Variants in RIT2 observed in about 807,000 individuals in gnomAD.
RIT2 encodes GTP-binding protein Rit2.
In RIT2, 24 loss-of-function variants were observed where a neutral mutation model predicts 23.7. The observed-to-expected ratio is 1.01, with a 90% CI of 0.73 to 1.43. RIT2 has a LOEUF of 1.43. RIT2 is among the 40% of genes most tolerant of loss of function. The pLI is 0.00. For synonymous variants in RIT2, 107 were observed against 91.1 expected (o/e 1.17, Z -0.99); for missense variants, 236 against 266.9 (o/e 0.88, Z 0.81).
intron 4 of RIT2, among the ~76,000 whole-genome samples, chr18:42,916,732 TAAC>T (rs1568029561): frequency 6.6e-6 from 1 of 151,992 alleles, no homozygotes; most frequent in Non-Finnish European, 1.5e-5. Flanking sequence ...CTGTGCTAGA[TAAC>T]CTACTGACAT....
chr18:42,775,915 A>G (rs1203059766), intron 4 of RIT2, among the ~76,000 whole-genome samples: 1 of 151,898 alleles, frequency 6.6e-6, no homozygotes, highest in Non-Finnish European at 1.5e-5. Flanking sequence ...ACACTTTCAT[A>G]CTTTCTTTTC....
chr18:42,905,496 G>A (rs1908587541), intron 4 of RIT2, among the ~76,000 whole-genome samples: 3 of 152,076 alleles, frequency 2.0e-5, no homozygotes, highest in South Asian at 4.2e-4. Flanking sequence ...TTTTTGAGAC[G>A]GAGTCTCACT....
intron 4 of RIT2, among the ~76,000 whole-genome samples, chr18:42,905,891 G>A (rs2144112465): frequency 6.7e-6 from 1 of 148,980 alleles, no homozygotes; most frequent in East Asian, 1.9e-4. Context: ...AGCAGAACTA[G>A]GGATAAAGGC....
At chr18:42,915,853 A>G (rs750640344) in intron 4 of RIT2, among the ~76,000 whole-genome samples, 3 of 151,506 alleles carry the variant, frequency 2.0e-5, no homozygotes, top group East Asian at 3.9e-4. Context: ...ATATGCGTGT[A>G]TATATATATA....
intron 4 of RIT2, among the ~76,000 whole-genome samples, chr18:42,748,438 A>G (rs1488342706): frequency 6.6e-6 from 1 of 151,898 alleles, no homozygotes; most frequent in Non-Finnish European, 1.5e-5. Flanking sequence ...AACAAACAAT[A>G]ATAGATGTTA....
chr18:42,852,651 C>G (rs899008745), intron 4 of RIT2, among the ~76,000 whole-genome samples: 1 of 152,086 alleles, frequency 6.6e-6, no homozygotes, highest in African/African-American at 2.4e-5. Flanking sequence ...TGATCACATG[C>G]CCTTTATAAC....
At chr18:43,084,957 C>T (rs928808660) in intron 1 of RIT2, among the ~76,000 whole-genome samples, 1 of 151,940 alleles carries the variant, frequency 6.6e-6, no homozygotes, top group Non-Finnish European at 1.5e-5. Flanking sequence ...CTGTAGCCTG[C>T]ACCATGGCCA....
chr18:42,991,166 T>C (rs551952097), intron 2 of RIT2, among the ~76,000 whole-genome samples: 42 of 152,298 alleles, frequency 2.8e-4, no homozygotes, highest in South Asian at 8.3e-4. Flanking sequence ...CTACCTTCCA[T>C]GATTGAGACA....
Position 43,018,786 on chromosome 18 carries a change from C to A in RIT2, c.160+15025G>T, listed in dbSNP as rs771052129. 7.2e-5 allele frequency among the ~76,000 whole-genome samples: 11 copies of A among 151,956 alleles called. No homozygotes were observed. The East Asian group carries it at 2.1e-3, about 29-fold the overall frequency. On this transcript the variant is annotated intron_variant, in intron 2 of 4. Transcript: ENST00000326695. ...AAGAAATTTGTCACCACTAGACTAGCCCCGCAAGAAATGCTAAGGGAGTTT... is the reference window on the plus strand; with the variant it reads ...AAGAAATTTGTCACCACTAGACTAGACCCGCAAGAAATGCTAAGGGAGTTT...
intron 3 of RIT2, among the ~76,000 whole-genome samples, chr18:42,970,766 G>A (rs1910343601): frequency 6.6e-6 from 1 of 151,884 alleles, no homozygotes; most frequent in South Asian, 2.1e-4. Context: ...TCGCACTATT[G>A]TTCATTCTTA....
At chr18:42,867,340 A>C (rs1015398014) in intron 4 of RIT2, among the ~76,000 whole-genome samples, 5 of 152,124 alleles carry the variant, frequency 3.3e-5, no homozygotes, top group Non-Finnish European at 7.4e-5. Context: ...GATTTGCTCT[A>C]AAAAGCTATG....
At chr18:42,784,162 C>T (rs1913873590) in intron 4 of RIT2, among the ~76,000 whole-genome samples, 1 of 151,840 alleles carries the variant, frequency 6.6e-6, no homozygotes, top group Non-Finnish European at 1.5e-5. Context: ...GCCCATCTCC[C>T]TTTTGCATAT....
chr18:42,830,658 A>G (rs1451699291), intron 4 of RIT2, among the ~76,000 whole-genome samples: 2 of 152,232 alleles, frequency 1.3e-5, no homozygotes, highest in Non-Finnish European at 2.9e-5. Flanking sequence ...CAGGGCTGCC[A>G]AATGAGACTA....
At chr18:42,775,415 G>T (rs547113995) in intron 4 of RIT2, among the ~76,000 whole-genome samples, 2 of 152,104 alleles carry the variant, frequency 1.3e-5, no homozygotes, top group South Asian at 2.1e-4. Flanking sequence ...TGCCATACCC[G>T]GCAGGGCATG....
intron 2 of RIT2, among the ~76,000 whole-genome samples, chr18:42,990,058 G>A (rs967815268): frequency 1.3e-5 from 2 of 150,754 alleles, no homozygotes; most frequent in Non-Finnish European, 2.9e-5. Context: ...TTTATTGTAA[G>A]GAATACAATA....
rs77103972 is a variant in RIT2, at chr18:42,909,992, G to A, written c.426+13580C>T. 5.8e-3 allele frequency among the ~76,000 whole-genome samples: 887 copies of A among 152,176 alleles called. 8 individuals carry two copies. Among genetic ancestry groups the A allele is most frequent in the African/African-American group, 0.02 (847 of 41,532 alleles). On this transcript the variant is annotated intron_variant, in intron 4 of 4. Coordinates refer to ENST00000326695, the MANE Select transcript of RIT2 (RefSeq NM_002930.4). ...GATTGAGACAATTATACCTGAAAGCGGTTAAGGGGATCTAAATTGAAGTAA... is the reference window on the plus strand; with the variant it reads ...GATTGAGACAATTATACCTGAAAGCAGTTAAGGGGATCTAAATTGAAGTAA...
chr18:42,957,619 A>G (rs907286016), intron 3 of RIT2, among the ~76,000 whole-genome samples: 2 of 152,098 alleles, frequency 1.3e-5, no homozygotes, highest in African/African-American at 4.8e-5. Context: ...CTCTGTCTCT[A>G]CTAAAAATGC....
chr18:42,799,648 C>T (rs912351719), intron 4 of RIT2, among the ~76,000 whole-genome samples: 1 of 152,186 alleles, frequency 6.6e-6, no homozygotes, highest in Non-Finnish European at 1.5e-5. Flanking sequence ...AGACTAAAAT[C>T]TCACAGAGCT....
intron 4 of RIT2, among the ~76,000 whole-genome samples, chr18:42,761,400 T>A (rs766017990): frequency 6.6e-6 from 1 of 152,194 alleles, no homozygotes; most frequent in African/African-American, 2.4e-5. Flanking sequence ...TGTCTATTAT[T>A]ACAAGTAACA....
Sources: gnomAD v4.1 joint callset for allele counts (sites outside exome capture counted in the v4.1 genomes callset) on GRCh38, gnomAD v4.1.1 for gene constraint, MANE v1.5 for transcripts, NCBI Gene and HGNC (gene_info 2026-07-23, HGNC 2026-07-21) for gene names.